ABTB3: variants seen among roughly 807,000 people sequenced by gnomAD.
The protein encoded by ABTB3 is ankyrin repeat and BTB domain containing 3, also known as ankyrin repeat- and BTB/POZ domain-containing protein 3.
chr12:107,582,377 T>A, the ABTB3 span, among the ~76,000 whole-genome samples: 1 of 152,184 alleles, frequency 6.6e-6, no homozygotes, highest in Non-Finnish European at 1.5e-5. Flanking sequence ...ATGCTCAAAG[T>A]CACTGGAGTA....
At chr12:107,577,603 G>A in the ABTB3 span, among the ~76,000 whole-genome samples, 2 of 152,012 alleles carry the variant, frequency 1.3e-5, no homozygotes, top group African/African-American at 4.8e-5. Flanking sequence ...GCCCATCAAG[G>A]CTTTCTCTTT....
At chr12:107,396,790 T>C in the ABTB3 span, among the ~76,000 whole-genome samples, 17 of 152,324 alleles carry the variant, frequency 1.1e-4, 1 homozygote, top group South Asian at 2.7e-3. Context: ...AGCCACTCAC[T>C]GTGGACCTTC....
the ABTB3 span, among the ~76,000 whole-genome samples, chr12:107,446,104 G>A: frequency 1.3e-5 from 2 of 152,164 alleles, no homozygotes; most frequent in African/African-American, 2.4e-5. Context: ...GCATCTTTAG[G>A]GGGCCCTTAT....
chr12:107,601,823 T>C, the ABTB3 span, among the ~76,000 whole-genome samples: 18 of 152,328 alleles, frequency 1.2e-4, no homozygotes, highest in African/African-American at 3.8e-4. Flanking sequence ...GCCTGACAAA[T>C]AGGAATGCTA....
the ABTB3 span, among the ~76,000 whole-genome samples, chr12:107,440,110 A>C: frequency 6.6e-6 from 1 of 152,214 alleles, no homozygotes; most frequent in East Asian, 1.9e-4. Flanking sequence ...ACAATCCAGC[A>C]GGGAAGGGTT....
chr12:107,476,504 A>G, the ABTB3 span, among the ~76,000 whole-genome samples: 2 of 152,106 alleles, frequency 1.3e-5, no homozygotes, highest in African/African-American at 4.8e-5. Flanking sequence ...GCCATCTTCA[A>G]AATAGAGATA....
the ABTB3 span, among the ~76,000 whole-genome samples, chr12:107,482,919 T>C: frequency 3.2e-3 from 112 of 35,406 alleles, no homozygotes; most frequent in Non-Finnish European, 4.7e-3. Flanking sequence ...TCTTCTTCTT[T>C]CTTTCTTTCT....
the ABTB3 span, among the ~76,000 whole-genome samples, chr12:107,609,778 T>A: frequency 6.6e-6 from 1 of 152,236 alleles, no homozygotes; most frequent in African/African-American, 2.4e-5. Context: ...CTAGCTCCAC[T>A]GCTTTCACAC....
the ABTB3 span, among the ~76,000 whole-genome samples, chr12:107,336,631 T>C: frequency 6.6e-6 from 1 of 152,186 alleles, no homozygotes; most frequent in Admixed American, 6.5e-5. Context: ...AAACCTCTAT[T>C]ATAACACTCA....
At chr12:107,656,811 C>T in the ABTB3 span, among the ~76,000 whole-genome samples, 1 of 152,220 alleles carries the variant, frequency 6.6e-6, no homozygotes, top group East Asian at 1.9e-4. Context: ...AGTTTCCCCA[C>T]CTGTACCAGG....
the ABTB3 span, among the ~76,000 whole-genome samples, chr12:107,436,275 C>T: frequency 2.6e-5 from 4 of 152,268 alleles, no homozygotes; most frequent in East Asian, 1.9e-4. Context: ...AGGAATGACC[C>T]GCCATCCCGG....
the ABTB3 span, among the ~76,000 whole-genome samples, chr12:107,571,560 G>T: frequency 4.6e-5 from 7 of 152,360 alleles, no homozygotes; most frequent in African/African-American, 1.7e-4. Context: ...ACCTCTCCCA[G>T]GATATGAAGC....
At chr12:107,657,762 CCT>C in the ABTB3 span, 4 of 1,594,988 alleles carry the variant, frequency 2.5e-6, no homozygotes, top group Non-Finnish European at 3.4e-6. Flanking sequence ...TTCCAGTTCT[CCT>C]GCCGCATTGG....
chr12:107,470,010 T>TTCTCTCTCTC, the ABTB3 span, among the ~76,000 whole-genome samples: 1 of 57,124 alleles, frequency 1.8e-5, no homozygotes, highest in African/African-American at 8.0e-5. Context: ...CTTTCTTTCT[T>TTCTCTCTCTC]TCTCTCTCTC....
At chr12:107,600,236 C>T in the ABTB3 span, among the ~76,000 whole-genome samples, 1 of 152,208 alleles carries the variant, frequency 6.6e-6, no homozygotes, top group African/African-American at 2.4e-5. Context: ...CACCTACAAG[C>T]TGTGCGACCT....
At chr12:107,362,844 A>G in the ABTB3 span, among the ~76,000 whole-genome samples, 1 of 152,152 alleles carries the variant, frequency 6.6e-6, no homozygotes, top group Middle Eastern at 3.4e-3. Context: ...GACATTTTTC[A>G]TGCATCTTTT....
chr12:107,375,144 C>T, the ABTB3 span, among the ~76,000 whole-genome samples: 3 of 152,082 alleles, frequency 2.0e-5, no homozygotes, highest in African/African-American at 7.2e-5. Flanking sequence ...TGGCTGGGTG[C>T]CGTGGCTCAC....
chr12:107,389,770 C>T, the ABTB3 span, among the ~76,000 whole-genome samples: 1 of 151,122 alleles, frequency 6.6e-6, no homozygotes. Context: ...GGATGACTCC[C>T]TAAAATGTCT....
the ABTB3 span, among the ~76,000 whole-genome samples, chr12:107,607,198 G>T: frequency 6.6e-6 from 1 of 152,186 alleles, no homozygotes; most frequent in South Asian, 2.1e-4. Context: ...AATGTTTTTA[G>T]TATAAGTGTG....
Sources: allele counts gnomAD v4.1 joint callset (sites outside exome capture counted in the v4.1 genomes callset), GRCh38; gene constraint gnomAD v4.1.1; transcripts MANE v1.5; gene names NCBI Gene and HGNC (gene_info 2026-07-23, HGNC 2026-07-21).